The following ABR variants were observed in gnomAD, a reference collection of about 807,000 sequenced individuals.
ABR encodes active breakpoint cluster region-related protein.
A neutral mutation model predicts 107.2 loss-of-function variants in ABR; 35 were observed. That is an observed-to-expected ratio of 0.33 (90% CI 0.25 to 0.43). The LOEUF (loss-of-function observed/expected upper bound fraction) is 0.43. Ranked by LOEUF, ABR falls within the 20% of genes least tolerant of loss-of-function variation. The pLI, the probability that ABR is intolerant of heterozygous loss-of-function variation, is 1.00. For synonymous variants in ABR, 498 were observed against 462.0 expected (o/e 1.08, Z -1.00); for missense variants, 815 against 1,115.2 (o/e 0.73, Z 3.83).
upstream of ABR, among the ~76,000 whole-genome samples, chr17:1,182,580 A>G (rs1012214811): frequency 5.3e-5 from 8 of 152,094 alleles, no homozygotes; most frequent in African/African-American, 1.9e-4. Context: ...GTTAGCCAGG[A>G]TGATCTTGAT....
At chr17:1,212,213 G>A (rs761207839) in intron 1 of ABR, among the ~76,000 whole-genome samples, 6 of 151,894 alleles carry the variant, frequency 4.0e-5, no homozygotes, top group Admixed American at 3.3e-4. Flanking sequence ...AAGATCTCTC[G>A]AGTCTGGGAG....
rs146110219 is a variant in ABR, at chr17:1,185,375, T to C, written c.-78+1425A>G. ...AGTATGCGCCCAGGGCCAGGCACAG[T>C]GGCTCACGCCTGTAATCCCAGCACT... On this transcript the variant is annotated intron_variant, in intron 1 of 22. Transcript: ENST00000544583. 2.7e-3 allele frequency among the ~76,000 whole-genome samples: 407 copies of C among 152,268 alleles called. 8 individuals are homozygous for C. The highest frequency in any genetic ancestry group is 1.1e-3 in the Non-Finnish European group (73 of 68,020).
chr17:1,172,953 C>G (rs958333089), intron 1 of ABR, among the ~76,000 whole-genome samples: 4 of 149,094 alleles, frequency 2.7e-5, no homozygotes, highest in Non-Finnish European at 6.0e-5. Flanking sequence ...GTAATCCACC[C>G]CCCCCATCAC....
At chr17:1,101,796 C>T (rs62067937) in intron 2 of ABR, among the ~76,000 whole-genome samples, 7,095 of 150,986 alleles carry the variant, frequency 0.047, 208 homozygotes, top group Middle Eastern at 0.11. Context: ...TGCAGTGGCG[C>T]GATCTCGGCT....
chr17:1,008,698 C>T (rs970117970), intron 21 of ABR, among the ~76,000 whole-genome samples: 2 of 152,198 alleles, frequency 1.3e-5, no homozygotes, highest in African/African-American at 2.4e-5. Flanking sequence ...TGAGCTGCAG[C>T]GGGGGGCCTG....
At position 1,092,364 on chromosome 17, in the gene ABR, G is replaced by A. The variant is rs956940155; in HGVS notation, c.346-514C>T. On this transcript the variant is annotated intron_variant, in intron 3 of 22. Coordinates refer to ENST00000302538, the MANE Select transcript of ABR (RefSeq NM_021962.5). This position sits in a 1 kb window ranked among gnomAD's most constrained non-coding sequence, Gnocchi z 4.6. ...CCAAGTTCCCGTCACTTGGCACAGG[G>A]AGAGGCATGGGCGTTCACGTGTCCC... Among the ~76,000 whole-genome samples the A allele has an allele frequency of 6.6e-6, 1 of 152,172 alleles. No individual in the cohort carries two copies. Among genetic ancestry groups the A allele is most frequent in the Non-Finnish European group, 1.5e-5 (1 of 68,030 alleles).
At chr17:1,118,310 C>T (rs71358533) in intron 2 of ABR, among the ~76,000 whole-genome samples, 409 of 31,308 alleles carry the variant, frequency 0.013, no homozygotes, top group Admixed American at 0.017. Context: ...CCTGAGTTCT[C>T]CCCAGCGTTA....
rs569767495 is a variant in ABR, at chr17:1,041,170, G to A, written c.1791+8880C>T. Reference sequence around the variant, plus strand: ...CCTGACCTCATGATCCGCCCGCCTCGGCCTCCTAAAGTGCTGGGATTACAG... The same window carrying A: ...CCTGACCTCATGATCCGCCCGCCTCAGCCTCCTAAAGTGCTGGGATTACAG... On this transcript the variant is annotated intron_variant, in intron 16 of 22. Transcript: ENST00000302538. 4.7e-4 allele frequency among the ~76,000 whole-genome samples: 71 copies of A among 152,000 alleles called. 1 individual carries two copies. The highest frequency in any genetic ancestry group is 1.7e-3 in the African/African-American group (71 of 41,452).
chr17:1,077,378 T>C (rs1281789518), intron 6 of ABR, among the ~76,000 whole-genome samples: 1 of 152,186 alleles, frequency 6.6e-6, no homozygotes, highest in Non-Finnish European at 1.5e-5. Flanking sequence ...CGAAGCTTCC[T>C]TTTGGGGAAG....
chr17:1,119,625 G>A lies in ABR; in HGVS notation c.246+5558C>T, dbSNP rs141937299. Among the ~76,000 whole-genome samples the A allele has an allele frequency of 3.9e-5, 6 of 152,294 alleles. No homozygotes were observed. In the East Asian group the frequency reaches 1.2e-3, roughly 29 times the overall value. On this transcript the variant is annotated intron_variant, in intron 2 of 22. Transcript: ENST00000302538. ...CACAAATACCAGTTGAGAACCCCTA[G>A]GTGCCAAGAAGCTTCCACTGGGGTC...
chr17:1,125,048 G>T, intron 2 of ABR, 135 bp downstream of exon 2: 3 of 871,344 alleles, frequency 3.4e-6, no homozygotes, highest in African/African-American at 1.7e-5. Context: ...GAGATGACGA[G>T]GCACCAAGAA....
chr17:1,014,419 C>T (rs977862964), intron 16 of ABR, among the ~76,000 whole-genome samples: 5 of 148,604 alleles, frequency 3.4e-5, no homozygotes, highest in East Asian at 2.0e-4. Context: ...CCAGCCTGGG[C>T]GACAGAGCGA....
At chr17:1,025,880 C>T (rs2072155768) in intron 16 of ABR, among the ~76,000 whole-genome samples, 2 of 152,184 alleles carry the variant, frequency 1.3e-5, no homozygotes, top group African/African-American at 4.8e-5. Context: ...GTGGAAGGTG[C>T]TCCGGCAATA....
intron 2 of ABR, among the ~76,000 whole-genome samples, chr17:1,124,871 G>A (rs2039518889): frequency 6.6e-6 from 1 of 152,120 alleles, no homozygotes; most frequent in Admixed American, 6.5e-5. Context: ...TCCTCTCCTG[G>A]GTCCTCTGGA....
upstream of ABR, among the ~76,000 whole-genome samples, chr17:1,182,116 G>A (rs935902879): frequency 6.6e-6 from 1 of 152,128 alleles, no homozygotes; most frequent in Non-Finnish European, 1.5e-5. Flanking sequence ...CACGATAGAG[G>A]GTAGAGGGAG....
chr17:1,069,738 G>A (rs557402565), intron 9 of ABR, among the ~76,000 whole-genome samples: 5 of 113,452 alleles, frequency 4.4e-5, no homozygotes, highest in South Asian at 3.2e-4. Context: ...TCCCTCCCCC[G>A]CCCTGTGCCA....
At chr17:1,043,908 G>A (rs993012932) in intron 16 of ABR, among the ~76,000 whole-genome samples, 3 of 152,238 alleles carry the variant, frequency 2.0e-5, no homozygotes, top group Admixed American at 6.5e-5. Flanking sequence ...AGGGCCGGGG[G>A]GCGGGCAGGG....
At chr17:1,099,162 G>A (rs571935026) in intron 3 of ABR, among the ~76,000 whole-genome samples, 11 of 149,446 alleles carry the variant, frequency 7.4e-5, no homozygotes, top group South Asian at 2.1e-4. Flanking sequence ...TACGACCTTC[G>A]CCCCCAGATT....
intron 1 of ABR, among the ~76,000 whole-genome samples, chr17:1,186,637 C>T (rs915682481): frequency 2.4e-4 from 36 of 152,336 alleles, no homozygotes; most frequent in African/African-American, 4.1e-4. Flanking sequence ...ATGCACTCCC[C>T]GAGCCACCGT....
Sources: gnomAD v4.1 joint callset for allele counts (sites outside exome capture counted in the v4.1 genomes callset) on GRCh38, gnomAD v4.1.1 for gene constraint, Gnocchi (gnomAD v3.1) non-coding constraint, MANE v1.5 for transcripts, NCBI Gene and HGNC (gene_info 2026-07-23, HGNC 2026-07-21) for gene names.